The following KREMEN1 variants were observed in gnomAD, a reference collection of about 807,000 sequenced individuals.
The protein encoded by KREMEN1 is kringle containing transmembrane protein 1.
In KREMEN1, 30 loss-of-function variants were observed where a neutral mutation model predicts 46.5. That is an observed-to-expected ratio of 0.65 (90% confidence interval 0.48 to 0.88). The LOEUF is 0.88. Ranked by LOEUF, KREMEN1 falls within the 40% of genes least tolerant of loss-of-function variation. The pLI, the probability that KREMEN1 is intolerant of heterozygous loss-of-function variation, is 0.00. For missense variants in KREMEN1, 533 were observed against 596.9 expected, an observed-to-expected ratio of 0.89 and a Z score of 1.11; for synonymous variants, 214 against 230.6, an observed-to-expected ratio of 0.93 and a Z score of 0.65.
At chr22:29,116,778 A>C (rs543585132) in intron 3 of KREMEN1, among the ~76,000 whole-genome samples, 38 of 152,300 alleles carry the variant, frequency 2.5e-4, no homozygotes, top group African/African-American at 9.1e-4. Flanking sequence ...TCCACGCACA[A>C]GGTCCTTTAA....
chr22:29,148,003 C>T (rs2038885424), downstream of KREMEN1, among the ~76,000 whole-genome samples: 1 of 152,206 alleles, frequency 6.6e-6, no homozygotes, highest in African/African-American at 2.4e-5. Flanking sequence ...ATGTTCCTTT[C>T]ATTCTAGAAT....
chr22:29,118,575 C>T (rs2038280670), intron 3 of KREMEN1, among the ~76,000 whole-genome samples: 1 of 152,090 alleles, frequency 6.6e-6, no homozygotes, highest in Non-Finnish European at 1.5e-5. Flanking sequence ...TGAGGGCTAC[C>T]TTCTTGCTGC....
At chr22:29,104,157 ATTTTTTTTTT>A (rs35950264) in intron 3 of KREMEN1, among the ~76,000 whole-genome samples, 1 of 140,406 alleles carries the variant, frequency 7.1e-6, no homozygotes, top group Non-Finnish European at 1.6e-5. Context: ...CTAAATTGTA[ATTTTTTTTTT>A]TTTTTTTTGA....
intron 5 of KREMEN1, among the ~76,000 whole-genome samples, chr22:29,133,796 T>G (rs1030215328): frequency 2.6e-5 from 4 of 152,240 alleles, no homozygotes; most frequent in African/African-American, 9.6e-5. Context: ...ACATTTCTTC[T>G]GTTCCATTCT....
chr22:29,118,348 G>T, intron 3 of KREMEN1, among the ~76,000 whole-genome samples: 1 of 152,152 alleles, frequency 6.6e-6, no homozygotes, highest in Non-Finnish European at 1.5e-5. Context: ...AAGCATGTCA[G>T]CAGTCCAGCT....
chr22:29,114,110 A>G (rs908394994), intron 3 of KREMEN1, among the ~76,000 whole-genome samples: 1 of 151,574 alleles, frequency 6.6e-6, no homozygotes, highest in African/African-American at 2.4e-5. Flanking sequence ...GTATTTGGAG[A>G]TGAGGCCCTT....
intron 5 of KREMEN1, among the ~76,000 whole-genome samples, chr22:29,128,564 T>A: frequency 6.6e-6 from 1 of 152,278 alleles, no homozygotes; most frequent in Admixed American, 6.5e-5. Flanking sequence ...ATGGAAATAG[T>A]CTCTAAAGTG....
intron 3 of KREMEN1, among the ~76,000 whole-genome samples, chr22:29,107,480 A>G (rs926524653): frequency 1.3e-5 from 2 of 151,938 alleles, no homozygotes; most frequent in Non-Finnish European, 2.9e-5. Flanking sequence ...TCGGCTTCCC[A>G]AAGTGCTGGG....
Position 29,142,267 on chromosome 22 carries a change from C to A in KREMEN1, c.*155C>A. 1 of 1,337,114 alleles carries A rather than the reference C, an allele frequency of 7.5e-7. No individual in the cohort carries two copies. The highest frequency in any genetic ancestry group is 2.2e-5 in the South Asian group (1 of 45,516). The allele number at this position is 1,337,114 out of a possible 1,614,324, so 82.8% of individuals were successfully genotyped here. On this transcript the variant is annotated 3_prime_UTR_variant, in exon 9 of 9. Coordinates refer to ENST00000400335, the MANE Select transcript of KREMEN1 (RefSeq NM_001039570.3). The stretch of plus-strand genomic sequence containing the variant: ...CCTCCTCCTACAGACTAGGAAGAGG[C>A]ACCCTGCTGCCAGGGCAGGCAGAGC...
intron 6 of KREMEN1, 74 bp from the exon 7 acceptor site, chr22:29,138,550 T>G: frequency 7.0e-7 from 1 of 1,421,714 alleles, no homozygotes; most frequent in Non-Finnish European, 9.9e-7. Context: ...TCTTCATAAC[T>G]CGTGCTCTCC....
At chr22:29,160,300 G>A (rs894900861) in intron 9 of KREMEN1, among the ~76,000 whole-genome samples, 1 of 151,874 alleles carries the variant, frequency 6.6e-6, no homozygotes, top group African/African-American at 2.4e-5. Context: ...GGAGGCCAAG[G>A]CAGGTGGATC....
At chr22:29,149,010 G>A (rs540745699), downstream of KREMEN1, among the ~76,000 whole-genome samples, 16 of 152,052 alleles carry the variant, frequency 1.1e-4, no homozygotes, top group African/African-American at 3.4e-4. Flanking sequence ...TCAGGTTCCC[G>A]GGCCCCACCC....
intron 1 of KREMEN1, among the ~76,000 whole-genome samples, chr22:29,080,127 G>C (rs1368292677): frequency 1.3e-5 from 2 of 152,164 alleles, no homozygotes; most frequent in East Asian, 3.8e-4. Context: ...CTTTTAAGGG[G>C]CTTTCCCCTT....
chr22:29,133,007 G>A (rs1160584271), intron 5 of KREMEN1, among the ~76,000 whole-genome samples: 5 of 152,130 alleles, frequency 3.3e-5, no homozygotes, highest in African/African-American at 9.7e-5. Context: ...CCAGCACTTT[G>A]GGAGGCCGAG....
chr22:29,090,972 T>TTTTA (rs134654), intron 1 of KREMEN1, among the ~76,000 whole-genome samples: 73,661 of 151,066 alleles, frequency 0.49, 18,678 homozygotes, highest in Middle Eastern at 0.61. Context: ...TGTGTGTGCA[T>TTTTA]TTTATTTATT....
intron 1 of KREMEN1, among the ~76,000 whole-genome samples, chr22:29,075,027 G>A (rs542859714): frequency 1.3e-5 from 2 of 152,148 alleles, no homozygotes; most frequent in South Asian, 2.1e-4. Flanking sequence ...TTCTGTAAAA[G>A]GCTAAGCTTG....
At chr22:29,083,603 C>T (rs904744481) in intron 1 of KREMEN1, among the ~76,000 whole-genome samples, 3 of 151,982 alleles carry the variant, frequency 2.0e-5, no homozygotes, top group Non-Finnish European at 2.9e-5. Context: ...AGGCTGAGGC[C>T]GGCGGATCAC....
intron 3 of KREMEN1, among the ~76,000 whole-genome samples, chr22:29,118,136 T>C (rs2038274014): frequency 6.6e-6 from 1 of 152,230 alleles, no homozygotes; most frequent in Non-Finnish European, 1.5e-5. Flanking sequence ...GAAATTCTTT[T>C]TCTTGTGGGA....
chr22:29,074,336 G>A (rs2037531835), intron 1 of KREMEN1, among the ~76,000 whole-genome samples: 2 of 152,236 alleles, frequency 1.3e-5, no homozygotes, highest in African/African-American at 4.8e-5. Flanking sequence ...ACTGAGTTTA[G>A]GGTGCTCTTC....
Sources: gnomAD v4.1 joint callset for allele counts (sites outside exome capture counted in the v4.1 genomes callset) on GRCh38, gnomAD v4.1.1 for gene constraint, MANE v1.5 for transcripts, NCBI Gene and HGNC (gene_info 2026-07-23, HGNC 2026-07-21) for gene names.